Variants in IL18RAP observed in about 807,000 individuals in gnomAD.
The protein encoded by IL18RAP is interleukin-18 receptor accessory protein.
Under a neutral mutation model 58.1 loss-of-function variants are expected in IL18RAP, and 37 were observed. The observed-to-expected ratio is 0.64, with a 90% CI of 0.49 to 0.84. The LOEUF (loss-of-function observed/expected upper bound fraction) is 0.84, where lower values mean the gene tolerates loss of function less well. Ranked by LOEUF, IL18RAP falls within the 40% of genes least tolerant of loss-of-function variation. The probability of loss-of-function intolerance (pLI) is 0.00; values close to 1 mark genes in which losing one functional copy is unlikely to be tolerated. For missense variants in IL18RAP, 667 were observed against 704.8 expected, an observed-to-expected ratio of 0.95 and a Z score of 0.61; for synonymous variants, 268 against 257.5, an observed-to-expected ratio of 1.04 and a Z score of -0.39.
chr2:102,420,257 C>T (rs578152561), upstream of IL18RAP, among the ~76,000 whole-genome samples: 11 of 152,292 alleles, frequency 7.2e-5, no homozygotes, highest in East Asian at 2.1e-3. Context: ...AGCAGGGTTT[C>T]CCAAAAGTGT....
In IL18RAP at chr2:102,452,132, T is replaced by C; in HGVS notation, c.1751T>C (p.Leu584Pro). 2 of 1,613,602 alleles carry C rather than the reference T, an allele frequency of 1.2e-6. No individual in the cohort carries two copies. Among genetic ancestry groups the C allele is most frequent in the Non-Finnish European group, 8.5e-7 (1 of 1,179,848 alleles). Residue 584 changes from leucine to proline, a missense_variant, in exon 10 of 10, where the codon CTC (leucine) becomes CCC (proline). Leu to Pro is a moderately conservative substitution (Grantham distance 98, BLOSUM62 -3). Coordinates refer to ENST00000687160, the MANE Select transcript of IL18RAP (RefSeq NM_001393487.1). ...ITSRIFQWKG[L>P]SRTETTGRSS... ...TCTAGGATTTTTCAGTGGAAAGGAC[T>C]CAGTAGAACAGAAACCACTGGGAGG...
upstream of IL18RAP, among the ~76,000 whole-genome samples, chr2:102,419,253 T>C: frequency 6.6e-6 from 1 of 152,180 alleles, no homozygotes; most frequent in East Asian, 1.9e-4. Context: ...AACTGTAACA[T>C]CTTTGATGGC....
chr2:102,434,661 A>T (rs1445261474), intron 3 of IL18RAP: 1 of 152,208 alleles, frequency 6.6e-6, no homozygotes, highest in African/African-American at 2.4e-5. Context: ...TTAATTAACT[A>T]AAAGGGCACT....
rs531594119 is a variant in IL18RAP, at chr2:102,451,040, G to T, written c.1384+19G>T. 3.2e-6 allele frequency: 5 copies of T among 1,562,124 alleles called. No individual in the cohort carries two copies. The highest frequency in any genetic ancestry group is 4.3e-6 in the Non-Finnish European group (5 of 1,156,884). On this transcript the variant is annotated intron_variant, in intron 9 of 9. Transcript: ENST00000687160. ...GGAGGAGGTAAGTCCAACATGTCAA[G>T]AAAAACTGCAGTGCAAAAAGGGCAG...
At chr2:102,441,907 A>G (rs1200429699) in intron 5 of IL18RAP, among the ~76,000 whole-genome samples, 2 of 151,912 alleles carry the variant, frequency 1.3e-5, no homozygotes, top group Non-Finnish European at 2.9e-5. Flanking sequence ...AAAAAATTAT[A>G]CTGAGAAATA....
chr2:102,420,722 A>C (rs1681524198), upstream of IL18RAP, among the ~76,000 whole-genome samples: 1 of 152,208 alleles, frequency 6.6e-6, no homozygotes, highest in South Asian at 2.1e-4. Flanking sequence ...AACATCAGAA[A>C]TTCTGATTCC....
chr2:102,432,413 T>C (rs1247948747), intron 3 of IL18RAP: 2 of 154,328 alleles, frequency 1.3e-5, no homozygotes, highest in Admixed American at 1.3e-4. Flanking sequence ...ATGAAGGAAT[T>C]GCTTAATTAA....
At position 102,443,261 on chromosome 2, in the gene IL18RAP, C is replaced by A; in HGVS notation, c.858C>A (p.Val286=). ...RFGFERVFNP[V]IKWYIKDSDL... Reference sequence around the variant, plus strand: ...GCTTTGAAAGGGTCTTTAACCCTGTCATAAAATGGTACATCAAAGATTCTG... The same window carrying A: ...GCTTTGAAAGGGTCTTTAACCCTGTAATAAAATGGTACATCAAAGATTCTG... Residue 286 remains valine (V), a synonymous_variant, in exon 6 of 10, where the codon GTC becomes GTA. Coordinates refer to ENST00000687160, the MANE Select transcript of IL18RAP (RefSeq NM_001393487.1). 6.2e-7 allele frequency: 1 copy of A among 1,613,806 alleles called. No individual in the cohort carries two copies. The highest frequency in any genetic ancestry group is 1.7e-4 in the Middle Eastern group (1 of 6,058).
At chr2:102,445,982 G>A (rs1222541607) in intron 7 of IL18RAP, among the ~76,000 whole-genome samples, 2 of 152,242 alleles carry the variant, frequency 1.3e-5, no homozygotes, top group African/African-American at 4.8e-5. Context: ...ACAAGACAAA[G>A]TGTGTTCTGG....
chr2:102,424,388 C>T lies in IL18RAP; in HGVS notation c.553C>T (p.Gln185Ter). 6.2e-7 allele frequency: 1 copy of T among 1,613,976 alleles called. No homozygotes were observed. The highest frequency in any genetic ancestry group is 8.5e-7 in the Non-Finnish European group (1 of 1,179,896). Residue 185 changes from glutamine to a stop codon, truncating the protein, a stop_gained, in exon 3 of 10, where the codon CAA becomes TAA. Transcript: ENST00000687160. LOFTEE classifies it high-confidence loss of function. ...CAGTCTCAGCTGCCAAAGTGATGCACAAAGTCCAGCGGTAACCTGGTACAA... is the reference window on the plus strand; with the variant it reads ...CAGTCTCAGCTGCCAAAGTGATGCATAAAGTCCAGCGGTAACCTGGTACAA... The part of the protein sequence containing the change: ...CPSLSCQSDA[Q>*]SPAVTWYKNG...
intron 4 of IL18RAP, chr2:102,439,039 A>T (rs1682935298): frequency 6.6e-6 from 1 of 152,292 alleles, no homozygotes; most frequent in African/African-American, 2.4e-5. Flanking sequence ...TGTCCAGGAG[A>T]TGAAGAAGAG....
At chr2:102,420,573 G>A (rs974838375), upstream of IL18RAP, among the ~76,000 whole-genome samples, 8 of 152,152 alleles carry the variant, frequency 5.3e-5, no homozygotes, top group African/African-American at 1.4e-4. Context: ...GCTGGGCATC[G>A]TGGTAACTAA....
At position 102,445,217 on chromosome 2, in the gene IL18RAP, A is replaced by T. The variant is rs745788184; in HGVS notation, c.949A>T (p.Ile317Phe). 3.0e-5 allele frequency: 49 copies of T among 1,613,984 alleles called. 1 individual carries two copies. The Admixed American group carries it at 4.0e-4, about 13-fold the overall frequency. Residue 317 changes from isoleucine (I) to phenylalanine (F), a missense_variant, in exon 7 of 10, where the codon ATT becomes TTT. Physicochemically the swap from Ile to Phe is conservative, Grantham distance 21. Coordinates refer to ENST00000687160, the MANE Select transcript of IL18RAP (RefSeq NM_001393487.1). Reference protein sequence around the residue: ...SIKSTLKDEIIERNIILEKVT... With the variant: ...SIKSTLKDEIFERNIILEKVT... ...TAAATCCACTTTAAAGGATGAAATC[A>T]TTGAGCGTAATATCATCTTGGAAAA...
chr2:102,440,275 G>A (rs921561030), intron 4 of IL18RAP: 11 of 152,358 alleles, frequency 7.2e-5, no homozygotes, highest in African/African-American at 2.7e-4. Flanking sequence ...TAGAGTACGG[G>A]AACATGGAAC....
intron 7 of IL18RAP, among the ~76,000 whole-genome samples, chr2:102,446,419 A>C (rs1331279189): frequency 6.6e-6 from 1 of 152,086 alleles, no homozygotes; most frequent in Non-Finnish European, 1.5e-5. Context: ...AGTGTACACT[A>C]CACCCGTTGT....
Position 102,423,320 on chromosome 2 carries a change from G to A in IL18RAP, c.43G>A (p.Glu15Lys), listed in dbSNP as rs759974498. ...GWIFLWLVAG[E>K]RIKGFNISGC... is the part of the protein sequence containing the mutation. ...GATATTTCTTTGGCTTGTTGCAGGAGAGCGAATTAAAGGATTTAATATTTC... is the reference window on the plus strand; with the variant it reads ...GATATTTCTTTGGCTTGTTGCAGGAAAGCGAATTAAAGGATTTAATATTTC... Residue 15 changes from glutamate (E) to lysine (K), a missense_variant, in exon 1 of 10, where the codon GAG (glutamate) becomes AAG (lysine). By Grantham distance (56) the Glu-to-Lys change is moderately conservative. Transcript: ENST00000687160. 2 of 1,614,022 alleles carry A rather than the reference G, an allele frequency of 1.2e-6. No individual in the cohort carries two copies. The highest frequency in any genetic ancestry group is 1.1e-5 in the South Asian group (1 of 91,082).
Position 102,452,202 on chromosome 2 carries a change from C to T in IL18RAP, c.*21C>T. On this transcript the variant is annotated 3_prime_UTR_variant, in exon 10 of 10. Coordinates refer to ENST00000687160, the MANE Select transcript of IL18RAP (RefSeq NM_001393487.1). ...GGTGAAATGAGCCCTGGAGCCCCCT[C>T]CAGTCCAGTCCCTGGGATAGAGATG... 2 of 1,564,882 alleles carry T rather than the reference C, an allele frequency of 1.3e-6. No homozygotes were observed. The highest frequency in any genetic ancestry group is 1.7e-6 in the Non-Finnish European group (2 of 1,157,654).
chr2:102,424,243 T>G lies in IL18RAP; in HGVS notation c.408T>G (p.Asp136Glu). The G allele has an allele frequency of 1.2e-6, 2 of 1,614,056 alleles. No individual in the cohort carries two copies. The highest frequency in any genetic ancestry group is 1.7e-6 in the Non-Finnish European group (2 of 1,179,944). ...GTTAATTTCCTAGGAGCCCCTATGA[T>G]GTAGCCTGTTGTGTCAAGATGATTT... ...CRPKMIKSPYDVACCVKMILE... is the reference protein window; with the variant it reads ...CRPKMIKSPYEVACCVKMILE... Residue 136 changes from aspartate to glutamate, a missense_variant, in exon 3 of 10, where the codon GAT (aspartate) becomes GAG (glutamate). By Grantham distance (45) the Asp-to-Glu change is conservative. Transcript: ENST00000687160.
chr2:102,436,032 A>G (rs1682712806), intron 3 of IL18RAP, among the ~76,000 whole-genome samples: 1 of 152,124 alleles, frequency 6.6e-6, no homozygotes, highest in Non-Finnish European at 1.5e-5. Context: ...CTGTAATTGT[A>G]TTATTAGAAT....
Sources: gnomAD v4.1 joint callset for allele counts (sites outside exome capture counted in the v4.1 genomes callset) on GRCh38, gnomAD v4.1.1 for gene constraint, MANE v1.5 for transcripts, NCBI Gene and HGNC (gene_info 2026-07-23, HGNC 2026-07-21) for gene names.